GTF3C2: variants seen among roughly 807,000 people sequenced by gnomAD.
GTF3C2 encodes the protein general transcription factor IIIC subunit 2.
GTF3C2 carries 17 observed loss-of-function variants against 117.4 expected under a neutral mutation model. That is an observed-to-expected ratio of 0.14 (90% CI 0.10 to 0.22). The LOEUF is 0.22. Among genes scored for constraint, GTF3C2 ranks in the 10% least tolerant of loss-of-function variants. The pLI, the probability that GTF3C2 is intolerant of heterozygous loss-of-function variation, is 1.00. For missense variants in GTF3C2, 888 were observed against 1,143.6 expected (o/e 0.78, Z 3.22); for synonymous variants, 437 against 427.0 (o/e 1.02, Z -0.29).
rs778061182 is a variant in GTF3C2 at position 27,337,430 on chromosome 2, T to C, written c.1028+51A>G. The C allele has an allele frequency of 2.7e-6, 4 of 1,466,574 alleles. No individual in the cohort carries two copies. The East Asian group carries it at 9.0e-5, about 33-fold the overall frequency. 90.8% of individuals were successfully genotyped at this position (1,466,574 alleles called of 1,614,324 possible). On this transcript the variant is annotated intron_variant, in intron 6 of 18. Coordinates refer to ENST00000264720, the Ensembl canonical transcript of GTF3C2. ...TTATAGAGCCTCTGTCACCCTTTCGTCTCCAGTGGTGTCACCCTTCCTAAG... is the reference window on the plus strand; with the variant it reads ...TTATAGAGCCTCTGTCACCCTTTCGCCTCCAGTGGTGTCACCCTTCCTAAG...
chr2:27,335,822 A>G, intron 9 of GTF3C2, 95 bp downstream of exon 9: 1 of 1,069,356 alleles, frequency 9.4e-7, no homozygotes, highest in South Asian at 1.3e-5. Flanking sequence ...CATCCACTAC[A>G]CTCCAACCTT....
At chr2:27,347,226 C>A (rs1465046087) in intron 1 of GTF3C2, among the ~76,000 whole-genome samples, 1 of 152,152 alleles carries the variant, frequency 6.6e-6, no homozygotes, top group Non-Finnish European at 1.5e-5. Context: ...CAGGATGGGA[C>A]CCCGCCCCCC....
At chr2:27,355,614 A>AT (rs1681341310) in intron 1 of GTF3C2, among the ~76,000 whole-genome samples, 1 of 152,114 alleles carries the variant, frequency 6.6e-6, no homozygotes, top group African/African-American at 2.4e-5. Context: ...TGATCAGTAA[A>AT]TTCGTACTGA....
chr2:27,330,164 A>G (rs1038982509), intron 12 of GTF3C2, among the ~76,000 whole-genome samples: 1 of 151,170 alleles, frequency 6.6e-6, no homozygotes, highest in African/African-American at 2.4e-5. Flanking sequence ...AAAAAGCATA[A>G]AAACTCTAGG....
At chr2:27,338,397 T>C (rs1680575083) in intron 4 of GTF3C2, 2 of 254,464 alleles carry the variant, frequency 7.9e-6, no homozygotes, top group East Asian at 9.9e-5. Context: ...TCCTCGATGA[T>C]GGTATTCCCC....
chr2:27,329,376 T>C lies in GTF3C2; in HGVS notation c.1877+3A>G. On this transcript the variant is annotated splice_donor_region_variant and intron_variant, in intron 13 of 18. Coordinates refer to ENST00000264720, the Ensembl canonical transcript of GTF3C2. The surrounding 1 kb of genome is among the most constrained non-coding windows in gnomAD (Gnocchi z 4.5). The stretch of plus-strand genomic sequence containing the variant: ...CCCCCTCCACATACCTCCTATTCCA[T>C]ACCTGTTAGCTTTGCACCATTGAAG... The C allele has an allele frequency of 1.2e-6, 2 of 1,614,120 alleles. No homozygotes were observed. The highest frequency in any genetic ancestry group is 1.7e-6 in the Non-Finnish European group (2 of 1,179,988).
intron 1 of GTF3C2, among the ~76,000 whole-genome samples, chr2:27,353,579 C>A (rs772245050): frequency 6.6e-6 from 1 of 152,064 alleles, no homozygotes; most frequent in Non-Finnish European, 1.5e-5. Context: ...GCTGGGATTA[C>A]AGGCATGTGC....
chr2:27,337,958 A>T lies in GTF3C2; in HGVS notation c.918T>A (p.Pro306=), dbSNP rs769030417. 3.1e-6 allele frequency: 5 copies of T among 1,611,246 alleles called. No individual in the cohort carries two copies. The Admixed American group carries it at 8.3e-5, about 27-fold the overall frequency. Residue 306 remains proline, a synonymous_variant, in exon 5 of 19, where the codon CCT becomes CCA. Coordinates refer to ENST00000264720, the Ensembl canonical transcript of GTF3C2. Reference sequence around the variant, plus strand: ...TGGTGAGATGGAGGCACTTCCAAACAGGAGCCATGATATGATTTGGTAAGC... The same window carrying T: ...TGGTGAGATGGAGGCACTTCCAAACTGGAGCCATGATATGATTTGGTAAGC...
intron 1 of GTF3C2, among the ~76,000 whole-genome samples, chr2:27,353,876 G>A (rs1681229294): frequency 6.6e-6 from 1 of 151,818 alleles, no homozygotes; most frequent in African/African-American, 2.4e-5. Flanking sequence ...GCACACACCA[G>A]CAGGCCTAGC....
chr2:27,332,535 C>A (rs962018251), intron 12 of GTF3C2, among the ~76,000 whole-genome samples: 2 of 152,012 alleles, frequency 1.3e-5, no homozygotes, highest in Non-Finnish European at 2.9e-5. Context: ...CTGACCCAGC[C>A]TCCCGGGTAG....
chr2:27,353,766 C>A (rs554198588), intron 1 of GTF3C2, among the ~76,000 whole-genome samples: 23 of 152,252 alleles, frequency 1.5e-4, no homozygotes, highest in Admixed American at 1.2e-3. Context: ...GTCACCCAGG[C>A]TGGAATGCAG....
At chr2:27,335,600 G>C (rs760640500) in exon 10 of GTF3C2, 3 of 1,513,070 alleles carry the variant, frequency 2.0e-6, no homozygotes. Flanking sequence ...CTACTCACCT[G>C]GGGGTTGCTG....
intron 1 of GTF3C2, among the ~76,000 whole-genome samples, chr2:27,346,648 C>T (rs762346796): frequency 2.6e-5 from 4 of 151,944 alleles, no homozygotes; most frequent in Non-Finnish European, 5.9e-5. Context: ...GCTGGGATTA[C>T]AGGCATAAAC....
At chr2:27,350,055 C>T (rs1681073246) in intron 1 of GTF3C2, among the ~76,000 whole-genome samples, 2 of 152,216 alleles carry the variant, frequency 1.3e-5, no homozygotes, top group South Asian at 4.1e-4. Flanking sequence ...ATGTTCATGA[C>T]ACAGAACAAT....
chr2:27,351,929 G>A (rs1681154943), intron 1 of GTF3C2, among the ~76,000 whole-genome samples: 1 of 152,068 alleles, frequency 6.6e-6, no homozygotes, highest in South Asian at 2.1e-4. Context: ...CAGCTAAACC[G>A]CAGCTACTCA....
exon 16 of GTF3C2, chr2:27,328,546 G>A (rs771602798): frequency 1.4e-5 from 22 of 1,608,448 alleles, no homozygotes; most frequent in South Asian, 4.4e-5. Flanking sequence ...TGAGCTCCCC[G>A]GATATATCTC....
chr2:27,342,806 C>T lies in GTF3C2; in HGVS notation c.569+20G>A, dbSNP rs1171138477. ...CTTCACCCAACCCCCCTCCACCAAGCTATGCCCCACAATCCTTACACTTGG... is the reference window on the plus strand; with the variant it reads ...CTTCACCCAACCCCCCTCCACCAAGTTATGCCCCACAATCCTTACACTTGG... On this transcript the variant is annotated intron_variant, in intron 3 of 18. Coordinates refer to ENST00000264720, the Ensembl canonical transcript of GTF3C2. 6.3e-7 allele frequency: 1 copy of T among 1,596,050 alleles called. No individual in the cohort carries two copies. The highest frequency in any genetic ancestry group is 8.6e-7 in the Non-Finnish European group (1 of 1,166,768).
At chr2:27,337,262 G>T (rs763591379) in exon 7 of GTF3C2, 1 of 1,605,780 alleles carries the variant, frequency 6.2e-7, no homozygotes, top group South Asian at 1.1e-5. Context: ...TCGGTAGAGG[G>T]TGCCATCTTC....
exon 9 of GTF3C2, chr2:27,335,937 G>C (rs752754270): frequency 6.2e-7 from 1 of 1,610,128 alleles, no homozygotes; most frequent in South Asian, 1.1e-5. Context: ...GTGCCTGGAA[G>C]TTCCCATGCT....
Sources: gnomAD v4.1 joint callset for allele counts (sites outside exome capture counted in the v4.1 genomes callset) on GRCh38, gnomAD v4.1.1 for gene constraint, Gnocchi (gnomAD v3.1) non-coding constraint, MANE v1.5 for transcripts, NCBI Gene and HGNC (gene_info 2026-07-23, HGNC 2026-07-21) for gene names.